The following AGMO variants were observed in gnomAD, a reference collection of about 807,000 sequenced individuals.
The protein encoded by AGMO is glyceryl-ether monooxygenase.
Under a neutral mutation model 60.2 loss-of-function variants are expected in AGMO, and 75 were observed. That is an observed-to-expected ratio of 1.25 (90% CI 1.03 to 1.51). The LOEUF (loss-of-function observed/expected upper bound fraction) is 1.51, where lower values mean the gene tolerates loss of function less well. Among genes scored for constraint, AGMO ranks in the 40% most tolerant of loss-of-function variants. The probability of loss-of-function intolerance (pLI) is 0.00; values close to 1 mark genes in which losing one functional copy is unlikely to be tolerated. For synonymous variants in AGMO, 261 were observed against 177.1 expected (o/e 1.47, Z -3.76); for missense variants, 763 against 525.5 (o/e 1.45, Z -4.42).
chr7:15,208,215 A>G (rs1300117890), intron 12 of AGMO, among the ~76,000 whole-genome samples: 14 of 152,184 alleles, frequency 9.2e-5, no homozygotes, highest in Admixed American at 9.2e-4. Context: ...CTTAAACACT[A>G]CAGGGCAGAA....
intron 3 of AGMO, among the ~76,000 whole-genome samples, chr7:15,481,498 A>C (rs1219703878): frequency 6.6e-6 from 1 of 152,164 alleles, no homozygotes; most frequent in Non-Finnish European, 1.5e-5. Flanking sequence ...TCCACAAGAC[A>C]ACTGTAAGAG....
At chr7:15,366,811 G>A (rs143095054) in intron 10 of AGMO, among the ~76,000 whole-genome samples, 7 of 152,012 alleles carry the variant, frequency 4.6e-5, no homozygotes, top group Non-Finnish European at 7.4e-5. Context: ...GCAGAGTTTT[G>A]TAAACTAAAT....
intron 12 of AGMO, among the ~76,000 whole-genome samples, chr7:15,247,490 GGAGA>G (rs1172410783): frequency 6.1e-5 from 6 of 98,006 alleles, no homozygotes; most frequent in South Asian, 3.3e-4. Flanking sequence ...GGAGAGAGAG[GGAGA>G]GAGAGACAGT....
chr7:15,388,158 A>G (rs971618735), intron 8 of AGMO, among the ~76,000 whole-genome samples: 3 of 152,186 alleles, frequency 2.0e-5, no homozygotes, highest in Non-Finnish European at 4.4e-5. Flanking sequence ...GAGTTGAACC[A>G]TTAAGATTAT....
chr7:15,368,216 A>G (rs1009765689), intron 10 of AGMO, among the ~76,000 whole-genome samples: 1 of 151,820 alleles, frequency 6.6e-6, no homozygotes, highest in Non-Finnish European at 1.5e-5. Flanking sequence ...AGACCAGAGC[A>G]AGAGAGTGCT....
chr7:15,223,002 T>A (rs1385055155), intron 12 of AGMO, among the ~76,000 whole-genome samples: 2 of 151,974 alleles, frequency 1.3e-5, no homozygotes, highest in Non-Finnish European at 1.5e-5. Flanking sequence ...TGCATGAGTG[T>A]GCATGTCTAT....
In AGMO at chr7:15,359,252, G is replaced by C. The variant is rs552540091; in HGVS notation, c.1263+6262C>G. Among the ~76,000 whole-genome samples the C allele has an allele frequency of 2.8e-5, 4 of 143,798 alleles. No homozygotes were observed. In the East Asian group the frequency reaches 8.3e-4, roughly 30 times the overall value. The allele number at this position is 143,798 out of a possible 152,430, so 94.3% of individuals were successfully genotyped here. ...TGCAGTGAGCCGAGATCACGCCACT[G>C]CACTGCAGCCTCAGCAACAGAGCAA... is the stretch of plus-strand genomic sequence containing the variant. On this transcript the variant is annotated intron_variant, in intron 12 of 12. Coordinates refer to ENST00000342526, the MANE Select transcript of AGMO (RefSeq NM_001004320.2).
rs544025781 is a variant in AGMO at position 15,331,701 on chromosome 7, T to G, written c.1263+33813A>C. Reference sequence around the variant, plus strand: ...CAACACTTTGGGAGACTGAGGCAGGTGGATCACATGAGGTCAGGAGTTTGA... The same window carrying G: ...CAACACTTTGGGAGACTGAGGCAGGGGGATCACATGAGGTCAGGAGTTTGA... On this transcript the variant is annotated intron_variant, in intron 12 of 12. Coordinates refer to ENST00000342526, the MANE Select transcript of AGMO (RefSeq NM_001004320.2). 3.9e-5 allele frequency among the ~76,000 whole-genome samples: 6 copies of G among 152,114 alleles called. No homozygotes were observed. In the South Asian group the frequency reaches 1.2e-3, roughly 32 times the overall value.
chr7:15,230,932 G>A (rs1293699131), intron 12 of AGMO, among the ~76,000 whole-genome samples: 1 of 152,038 alleles, frequency 6.6e-6, no homozygotes, highest in Non-Finnish European at 1.5e-5. Flanking sequence ...CACTTTCTCT[G>A]GTGTTAAACT....
chr7:15,559,937 T>G lies in AGMO; in HGVS notation c.257+204A>C, dbSNP rs538037353. On this transcript the variant is annotated intron_variant, in intron 2 of 12. Coordinates refer to ENST00000342526, the MANE Select transcript of AGMO (RefSeq NM_001004320.2). ...CAAAGGGATATCAACAGAGTCAAGA[T>G]AAATAATGTTTGCGGTGATTTTTTA... is the stretch of plus-strand genomic sequence containing the variant. Among the ~76,000 whole-genome samples the G allele has an allele frequency of 2.6e-5, 4 of 152,214 alleles. No individual in the cohort carries two copies. The South Asian group carries it at 8.3e-4, about 32-fold the overall frequency.
chr7:15,316,016 A>G (rs1005971549), intron 12 of AGMO, among the ~76,000 whole-genome samples: 1 of 152,122 alleles, frequency 6.6e-6, no homozygotes, highest in African/African-American at 2.4e-5. Flanking sequence ...TATTAGAGGT[A>G]ATATTATCAA....
intron 12 of AGMO, among the ~76,000 whole-genome samples, chr7:15,302,358 A>G (rs1222602662): frequency 6.6e-6 from 1 of 152,262 alleles, no homozygotes; most frequent in South Asian, 2.1e-4. Flanking sequence ...TTTCTTCAAA[A>G]ATTATATTGG....
intron 12 of AGMO, among the ~76,000 whole-genome samples, chr7:15,312,986 G>GA (rs1390483606): frequency 2.0e-5 from 3 of 152,066 alleles, no homozygotes; most frequent in Non-Finnish European, 4.4e-5. Flanking sequence ...TCTGAATAAT[G>GA]AATTTCATCA....
rs1554283129 is a variant in AGMO, at chr7:15,529,667, C to CTA, written c.409+15103_409+15104dup. On this transcript the variant is annotated intron_variant, in intron 3 of 12. Transcript: ENST00000342526. ...ATATACTATATATTCTATATATATT[C>CTA]TATATATATTCTATATATAGAATAT... Among the ~76,000 whole-genome samples, 60 of 15,038 alleles carry CTA rather than the reference C, an allele frequency of 4.0e-3. 13 individuals are homozygous for CTA. In the East Asian group the frequency reaches 0.19, roughly 47 times the overall value. The allele number at this position is 15,038 out of a possible 152,430, so 9.9% of individuals were successfully genotyped here. A position where few individuals can be genotyped will look rare whatever the true frequency, so the allele number is the denominator to read the frequency against.
At chr7:15,326,330 G>A (rs1781338530) in intron 12 of AGMO, among the ~76,000 whole-genome samples, 1 of 152,054 alleles carries the variant, frequency 6.6e-6, no homozygotes, top group Admixed American at 6.5e-5. Flanking sequence ...ACCTGAAAGG[G>A]GTAAGGGATG....
At chr7:15,517,456 C>T (rs935510749) in intron 3 of AGMO, among the ~76,000 whole-genome samples, 1 of 150,924 alleles carries the variant, frequency 6.6e-6, no homozygotes, top group South Asian at 2.1e-4. Context: ...GCATTTCTAA[C>T]TGAGGTACCT....
chr7:15,358,313 C>G, intron 12 of AGMO: 1 of 422,718 alleles, frequency 2.4e-6, no homozygotes, highest in Non-Finnish European at 4.9e-6. Context: ...CATAAAATGG[C>G]TGAGGCAGCA....
At chr7:15,290,698 G>T (rs1170827469) in intron 12 of AGMO, among the ~76,000 whole-genome samples, 1 of 151,988 alleles carries the variant, frequency 6.6e-6, no homozygotes, top group Non-Finnish European at 1.5e-5. Context: ...AGATTAGATA[G>T]GTCACATATA....
chr7:15,358,405 A>G (rs752003450), intron 12 of AGMO: 162 of 471,142 alleles, frequency 3.4e-4, no homozygotes, highest in Non-Finnish European at 6.6e-4. Flanking sequence ...AAGAAGGCAT[A>G]ATAATTAGAT....
Sources: gnomAD v4.1 joint callset for allele counts (sites outside exome capture counted in the v4.1 genomes callset) on GRCh38, gnomAD v4.1.1 for gene constraint, MANE v1.5 for transcripts, NCBI Gene and HGNC (gene_info 2026-07-23, HGNC 2026-07-21) for gene names.